The following DPF3 variants were observed in gnomAD, a reference collection of about 807,000 sequenced individuals.
DPF3 encodes the protein double PHD fingers 3.
A neutral mutation model predicts 56.8 loss-of-function variants in DPF3; 18 were observed. That is an observed-to-expected ratio of 0.32 (90% CI 0.22 to 0.47). DPF3 has a LOEUF of 0.47. Ranked by LOEUF, DPF3 falls within the 20% of genes least tolerant of loss-of-function variation. DPF3 has a pLI of 1.00. For missense variants in DPF3, 403 were observed against 488.8 expected, an observed-to-expected ratio of 0.82 and a Z score of 1.65; for synonymous variants, 188 against 180.2, an observed-to-expected ratio of 1.04 and a Z score of -0.35.
intron 1 of DPF3, chr14:72,892,018 A>C: frequency 8.5e-7 from 1 of 1,180,248 alleles, no homozygotes; most frequent in South Asian, 1.8e-5. Flanking sequence ...CTCCCCAAAC[A>C]CGCACCCTAC....
At chr14:72,687,746 C>G (rs1232373904) in intron 7 of DPF3, among the ~76,000 whole-genome samples, 1 of 152,176 alleles carries the variant, frequency 6.6e-6, no homozygotes, top group Non-Finnish European at 1.5e-5. Context: ...TTCGGTGAAG[C>G]CTTTGCAAAC....
At chr14:72,669,401 T>C (rs1022684333) in intron 8 of DPF3, among the ~76,000 whole-genome samples, 2 of 152,144 alleles carry the variant, frequency 1.3e-5, no homozygotes, top group African/African-American at 4.8e-5. Context: ...TGGCCAACCT[T>C]AAAGGGAGTG....
At chr14:72,721,190 T>C (rs1448297050) in intron 5 of DPF3, among the ~76,000 whole-genome samples, 2 of 152,214 alleles carry the variant, frequency 1.3e-5, no homozygotes, top group African/African-American at 4.8e-5. Flanking sequence ...GTGGTAGCTC[T>C]TGTTATACAG....
intron 7 of DPF3, among the ~76,000 whole-genome samples, chr14:72,674,706 T>C (rs1242317619): frequency 6.6e-6 from 1 of 152,214 alleles, no homozygotes; most frequent in African/African-American, 2.4e-5. Context: ...CAATCAGCCC[T>C]GTGGGCCCAG....
rs76332002 is a variant in DPF3 at position 72,653,936 on chromosome 14, T to C, written c.871+20304A>G. ...TTACGACATCTACAACTAGAAGGAG[T>C]GCTGATCACTTCTTTTCCCCATAAG... On this transcript the variant is annotated intron_variant, in intron 8 of 10. Transcript: ENST00000556509. Among the ~76,000 whole-genome samples the C allele has an allele frequency of 5.7e-3, 871 of 151,996 alleles. 8 individuals carry two copies. The highest frequency in any genetic ancestry group is 0.02 in the African/African-American group (838 of 41,442).
chr14:72,725,201 A>G (rs968110098), intron 4 of DPF3, among the ~76,000 whole-genome samples: 4 of 152,152 alleles, frequency 2.6e-5, no homozygotes, highest in African/African-American at 7.2e-5. Flanking sequence ...CCAGCCCCAA[A>G]TGGACTTTCC....
At chr14:72,813,150 T>C (rs2109795) in intron 1 of DPF3, among the ~76,000 whole-genome samples, 138,418 of 152,150 alleles carry the variant, frequency 0.91, 63,047 homozygotes, top group East Asian at 1. Context: ...CTGATGGGCT[T>C]GGCTCCAAAT....
At chr14:72,653,931 A>G (rs1885992140) in intron 8 of DPF3, among the ~76,000 whole-genome samples, 1 of 152,212 alleles carries the variant, frequency 6.6e-6, no homozygotes, top group Non-Finnish European at 1.5e-5. Flanking sequence ...TACAACTAGA[A>G]GGAGTGCTGA....
chr14:72,739,232 ACT>A (rs1168825828), intron 3 of DPF3, among the ~76,000 whole-genome samples: 3 of 146,990 alleles, frequency 2.0e-5, no homozygotes, highest in Non-Finnish European at 3.0e-5. Flanking sequence ...ACAGAGTGAG[ACT>A]CTGTCTCAAA....
chr14:72,838,354 C>T (rs557595555), intron 1 of DPF3, among the ~76,000 whole-genome samples: 2 of 152,136 alleles, frequency 1.3e-5, no homozygotes, highest in South Asian at 4.2e-4. Context: ...ATTAGCTGGG[C>T]GTGGTGGTGC....
chr14:72,824,154 C>A (rs1395157032), intron 1 of DPF3, among the ~76,000 whole-genome samples: 1 of 152,144 alleles, frequency 6.6e-6, no homozygotes, highest in Non-Finnish European at 1.5e-5. Context: ...AATCCAGAAA[C>A]AAGGGGCACC....
chr14:72,882,549 T>C (rs1425773258), intron 1 of DPF3, among the ~76,000 whole-genome samples: 1 of 152,092 alleles, frequency 6.6e-6, no homozygotes, highest in African/African-American at 2.4e-5. Flanking sequence ...TGGGGAAACA[T>C]AAGGAATTAT....
chr14:72,742,904 G>C (rs1218797794), intron 3 of DPF3, among the ~76,000 whole-genome samples: 2 of 152,110 alleles, frequency 1.3e-5, no homozygotes, highest in Non-Finnish European at 2.9e-5. Flanking sequence ...CCAGACTCAA[G>C]TCCCTCCGCC....
At chr14:72,846,509 T>C (rs527281027) in intron 1 of DPF3, among the ~76,000 whole-genome samples, 2 of 152,090 alleles carry the variant, frequency 1.3e-5, no homozygotes, top group East Asian at 1.9e-4. Context: ...CTAATTTTTT[T>C]GTATTTTTAG....
At chr14:72,749,400 G>A (rs1276642870) in intron 3 of DPF3, among the ~76,000 whole-genome samples, 1 of 152,238 alleles carries the variant, frequency 6.6e-6, no homozygotes, top group Non-Finnish European at 1.5e-5. Flanking sequence ...ACTTGCTTCT[G>A]ATTTTACAGG....
chr14:72,726,622 A>T (rs1170717965), intron 4 of DPF3, among the ~76,000 whole-genome samples: 2 of 152,178 alleles, frequency 1.3e-5, no homozygotes, highest in Non-Finnish European at 2.9e-5. Flanking sequence ...AGTTTCTAAC[A>T]AACAAAGCTT....
At chr14:72,733,679 G>A (rs1013854732) in intron 3 of DPF3, among the ~76,000 whole-genome samples, 13 of 152,162 alleles carry the variant, frequency 8.5e-5, no homozygotes, top group East Asian at 3.9e-4. Flanking sequence ...ACCGAGCTCC[G>A]AGCAGGGTGA....
chr14:72,838,599 G>A (rs919902485), intron 1 of DPF3, among the ~76,000 whole-genome samples: 5 of 151,890 alleles, frequency 3.3e-5, no homozygotes, highest in Admixed American at 2.6e-4. Context: ...ACTCACGCCT[G>A]TAATCCCAGC....
intron 1 of DPF3, among the ~76,000 whole-genome samples, chr14:72,798,024 G>T (rs1892707608): frequency 1.3e-5 from 2 of 152,050 alleles, no homozygotes; most frequent in African/African-American, 4.8e-5. Flanking sequence ...GGAGTCTGAG[G>T]TGGGTGGATC....
Sources: gnomAD v4.1 joint callset for allele counts (sites outside exome capture counted in the v4.1 genomes callset) on GRCh38, gnomAD v4.1.1 for gene constraint, MANE v1.5 for transcripts, NCBI Gene and HGNC (gene_info 2026-07-23, HGNC 2026-07-21) for gene names.